Variants in AAGAB observed in about 807,000 individuals in gnomAD.
The protein encoded by AAGAB is alpha- and gamma-adaptin-binding protein p34.
In AAGAB, 38 loss-of-function variants were observed where a neutral mutation model predicts 44.1. The observed-to-expected ratio is 0.86, with a 90% CI of 0.67 to 1.13. The LOEUF (loss-of-function observed/expected upper bound fraction) is 1.13, where lower values mean the gene tolerates loss of function less well. AAGAB is among the 50% of genes most tolerant of loss of function. The probability of loss-of-function intolerance (pLI) is 0.00; values close to 1 mark genes in which losing one functional copy is unlikely to be tolerated. For missense variants in AAGAB, 450 were observed against 373.8 expected (o/e 1.20, Z -1.68); for synonymous variants, 131 against 131.8 (o/e 0.99, Z 0.04).
At position 67,200,759 on chromosome 15, in the gene AAGAB, A is replaced by T. The variant is rs1330678697; in HGVS notation, c.*2062T>A. 6.6e-6 allele frequency among the ~76,000 whole-genome samples: 1 copy of T among 152,268 alleles called. No individual in the cohort carries two copies. The highest frequency in any genetic ancestry group is 1.5e-5 in the Non-Finnish European group (1 of 68,042). ...AGACTGCAGCTATTACTGTAGTGTT[A>T]GCTCATGATCACTATTCTAACATGG... On this transcript the variant is annotated 3_prime_UTR_variant, in exon 10 of 10. Transcript: ENST00000261880.
At chr15:67,252,217 G>T (rs1242161769) in intron 1 of AAGAB, among the ~76,000 whole-genome samples, 1 of 152,182 alleles carries the variant, frequency 6.6e-6, no homozygotes, top group Non-Finnish European at 1.5e-5. Context: ...TGCCGATTGG[G>T]ATCATTAAAG....
At chr15:67,223,484 A>G (rs1210584529) in intron 5 of AAGAB, among the ~76,000 whole-genome samples, 1 of 152,140 alleles carries the variant, frequency 6.6e-6, no homozygotes, top group Non-Finnish European at 1.5e-5. Context: ...TCTCATATCT[A>G]AACTATCAGG....
chr15:67,255,051 C>T, upstream of AAGAB: 2 of 1,114,704 alleles, frequency 1.8e-6, no homozygotes, highest in East Asian at 2.6e-5. Flanking sequence ...GTGCGCCGCC[C>T]CTAGACTCCC....
At chr15:67,232,708 G>A (rs1964369358) in intron 4 of AAGAB, 1 of 267,046 alleles carries the variant, frequency 3.7e-6, no homozygotes, top group Non-Finnish European at 7.7e-6. Flanking sequence ...CACAAACATA[G>A]ACTTACAAGA....
chr15:67,222,731 C>T (rs983318232), intron 5 of AAGAB, among the ~76,000 whole-genome samples: 6 of 152,114 alleles, frequency 3.9e-5, no homozygotes, highest in Non-Finnish European at 5.9e-5. Context: ...CATTTTTCAC[C>T]CTCTATTGGA....
At position 67,237,624 on chromosome 15, in the gene AAGAB, T is replaced by C. The variant is rs532475980; in HGVS notation, c.74-804A>G. ...GAAGCATTTTGCTTCCATTATGTTA[T>C]ACAGTATTTACAACTGGAAGAGAAG... On this transcript the variant is annotated intron_variant, in intron 1 of 9. Coordinates refer to ENST00000261880, the MANE Select transcript of AAGAB (RefSeq NM_024666.5). 7.2e-5 allele frequency among the ~76,000 whole-genome samples: 11 copies of C among 152,138 alleles called. No individual in the cohort carries two copies. In the East Asian group the frequency reaches 1.3e-3, roughly 19 times the overall value.
chr15:67,246,574 G>A lies in AAGAB; in HGVS notation c.73+7985C>T, dbSNP rs369466545. The stretch of plus-strand genomic sequence containing the variant: ...AACAATTTTCATACCTTTGAGAGAT[G>A]AAGCCTGCTAGACTTCCTGGGTCGA... On this transcript the variant is annotated intron_variant, in intron 1 of 9. Coordinates refer to ENST00000261880, the MANE Select transcript of AAGAB (RefSeq NM_024666.5). 1.9e-3 allele frequency among the ~76,000 whole-genome samples: 286 copies of A among 152,256 alleles called. 4 individuals carry two copies. Among genetic ancestry groups the A allele is most frequent in the African/African-American group, 6.7e-3 (279 of 41,544 alleles).
chr15:67,243,309 T>C (rs1381504425), intron 1 of AAGAB, among the ~76,000 whole-genome samples: 1 of 152,138 alleles, frequency 6.6e-6, no homozygotes, highest in Non-Finnish European at 1.5e-5. Flanking sequence ...CCTCTAAGTT[T>C]TATGGGCTGC....
At chr15:67,226,375 A>G (rs1029633116) in intron 5 of AAGAB, among the ~76,000 whole-genome samples, 1 of 151,754 alleles carries the variant, frequency 6.6e-6, no homozygotes, top group Admixed American at 6.6e-5. Flanking sequence ...TCCTGCCTCA[A>G]CCTCCCAAAG....
At chr15:67,212,084 T>A (rs1360288563) in intron 5 of AAGAB, among the ~76,000 whole-genome samples, 1 of 152,154 alleles carries the variant, frequency 6.6e-6, no homozygotes, top group Non-Finnish European at 1.5e-5. Context: ...GGTTTCACCG[T>A]GTTAGCCAGG....
chr15:67,251,696 C>T (rs1450476517), intron 1 of AAGAB, among the ~76,000 whole-genome samples: 1 of 152,178 alleles, frequency 6.6e-6, no homozygotes, highest in African/African-American at 2.4e-5. Context: ...TGAAGTAGAA[C>T]CAAACTTTCC....
rs550482011 is a variant in AAGAB at position 67,237,760 on chromosome 15, T to A, written c.74-940A>T. Among the ~76,000 whole-genome samples, 4 of 152,298 alleles carry A rather than the reference T, an allele frequency of 2.6e-5. No homozygotes were observed. The East Asian group carries it at 7.7e-4, about 29-fold the overall frequency. On this transcript the variant is annotated intron_variant, in intron 1 of 9. Coordinates refer to ENST00000261880, the MANE Select transcript of AAGAB (RefSeq NM_024666.5). Reference sequence around the variant, plus strand: ...AGAAGTAAAATGACATGCCATTAATTGACTTATCAGAAGAATATAATGAAA... The same window carrying A: ...AGAAGTAAAATGACATGCCATTAATAGACTTATCAGAAGAATATAATGAAA...
intron 5 of AAGAB, 37 bp from the exon 6 acceptor site, chr15:67,209,581 T>C (rs1384556900): frequency 6.5e-7 from 1 of 1,543,122 alleles, no homozygotes; most frequent in Non-Finnish European, 9.0e-7. Context: ...AATTTGTCAT[T>C]TACATTTTAA....
intron 7 of AAGAB, among the ~76,000 whole-genome samples, chr15:67,205,637 C>G (rs1174460058): frequency 6.6e-6 from 1 of 152,152 alleles, no homozygotes; most frequent in Non-Finnish European, 1.5e-5. Context: ...ATCTGTAACA[C>G]TGAATGCTGC....
At chr15:67,224,753 GTA>G (rs1176722114) in intron 5 of AAGAB, among the ~76,000 whole-genome samples, 2 of 151,844 alleles carry the variant, frequency 1.3e-5, no homozygotes, top group Admixed American at 6.6e-5. Context: ...GCTAACTTTT[GTA>G]TTTTTTGTAG....
chr15:67,231,982 G>C, intron 4 of AAGAB, 85 bp from the exon 5 acceptor site: 1 of 1,136,126 alleles, frequency 8.8e-7, no homozygotes. Context: ...GGCCAGGCAC[G>C]GTGGCTCATG....
rs374896033 is a variant in AAGAB, at chr15:67,241,171, T to C, written c.74-4351A>G. On this transcript the variant is annotated intron_variant, in intron 1 of 9. Transcript: ENST00000261880. ...ACAAATGCATTCTAAACTAGGCATG[T>C]TGATACTGTTATGGATTTTTTGTGT... Among the ~76,000 whole-genome samples the C allele has an allele frequency of 4.6e-5, 7 of 152,312 alleles. No homozygotes were observed. In the East Asian group the frequency reaches 1.3e-3, roughly 29 times the overall value.
intron 1 of AAGAB, among the ~76,000 whole-genome samples, chr15:67,252,449 A>G (rs1964891966): frequency 1.3e-5 from 2 of 152,342 alleles, no homozygotes; most frequent in South Asian, 4.1e-4. Context: ...GTATTTAAAA[A>G]ATTTTTAAAA....
chr15:67,208,135 A>C (rs1390259456), intron 7 of AAGAB, among the ~76,000 whole-genome samples: 1 of 152,258 alleles, frequency 6.6e-6, no homozygotes, highest in Non-Finnish European at 1.5e-5. Context: ...ACTTCTCTGC[A>C]AAACTTCATT....
Sources: allele counts gnomAD v4.1 joint callset (sites outside exome capture counted in the v4.1 genomes callset), GRCh38; gene constraint gnomAD v4.1.1; transcripts MANE v1.5; gene names NCBI Gene and HGNC (gene_info 2026-07-23, HGNC 2026-07-21).